Variants in CNTN4 observed in about 807,000 individuals in gnomAD.
CNTN4 encodes contactin 4, also known as contactin-4.
In CNTN4, 77 loss-of-function variants were observed where a neutral mutation model predicts 122.5. The observed-to-expected ratio is 0.63, with a 90% CI of 0.52 to 0.76. The LOEUF is 0.76. CNTN4 is among the 30% of genes least tolerant of loss of function. The probability of loss-of-function intolerance (pLI) is 0.00; values close to 1 mark genes in which losing one functional copy is unlikely to be tolerated. For synonymous variants in CNTN4, 512 were observed against 447.0 expected, an observed-to-expected ratio of 1.15 and a Z score of -1.83; for missense variants, 1,256 against 1,259.1, an observed-to-expected ratio of 1.00 and a Z score of 0.04.
intron 6 of CNTN4, among the ~76,000 whole-genome samples, chr3:2,794,271 T>G (rs1194154684): frequency 6.6e-6 from 1 of 152,188 alleles, no homozygotes; most frequent in East Asian, 1.9e-4. Flanking sequence ...GGCAGGAAGC[T>G]CTGCTGCAGC....
chr3:2,519,063 G>A (rs1173295368), intron 3 of CNTN4, among the ~76,000 whole-genome samples: 1 of 152,190 alleles, frequency 6.6e-6, no homozygotes, highest in East Asian at 1.9e-4. Flanking sequence ...TTGACTCCCT[G>A]TCTCTAGTGA....
At position 2,510,685 on chromosome 3, in the gene CNTN4, G is replaced by A. The variant is rs377251951; in HGVS notation, c.-88-60731G>A. Reference sequence around the variant, plus strand: ...CAGCAGGTAGCATGTCTGGGCAAAAGCGTGTGTGGCAAGGTTTTGATAAAG... The same window carrying A: ...CAGCAGGTAGCATGTCTGGGCAAAAACGTGTGTGGCAAGGTTTTGATAAAG... On this transcript the variant is annotated intron_variant, in intron 3 of 24. Coordinates refer to ENST00000418658, the MANE Select transcript of CNTN4 (RefSeq NM_175607.3). Among the ~76,000 whole-genome samples the A allele has an allele frequency of 1.8e-4, 28 of 152,208 alleles. No individual in the cohort carries two copies. In the East Asian group the frequency reaches 5.2e-3, roughly 28 times the overall value.
intron 4 of CNTN4, among the ~76,000 whole-genome samples, chr3:2,685,591 A>C (rs557883558): frequency 6.6e-6 from 1 of 152,322 alleles, no homozygotes; most frequent in South Asian, 2.1e-4. Flanking sequence ...TAAAAACCCA[A>C]GTAATCTTCA....
At chr3:2,146,287 A>G (rs2035245749) in intron 2 of CNTN4, among the ~76,000 whole-genome samples, 1 of 149,920 alleles carries the variant, frequency 6.7e-6, no homozygotes, top group Non-Finnish European at 1.5e-5. Flanking sequence ...TTTTTTTTTT[A>G]GCTACTACAA....
At chr3:2,445,178 T>G (rs1431632509) in intron 3 of CNTN4, among the ~76,000 whole-genome samples, 2 of 152,110 alleles carry the variant, frequency 1.3e-5, no homozygotes, top group Non-Finnish European at 2.9e-5. Flanking sequence ...ACATCAGCTC[T>G]CCTAAAATGA....
At chr3:2,786,679 A>G (rs2091845902) in intron 6 of CNTN4, among the ~76,000 whole-genome samples, 2 of 152,204 alleles carry the variant, frequency 1.3e-5, no homozygotes, top group Admixed American at 6.5e-5. Context: ...AGTCATTATC[A>G]TGTTCTGGAA....
At chr3:2,807,276 A>G (rs1244439786) in intron 6 of CNTN4, among the ~76,000 whole-genome samples, 1 of 152,236 alleles carries the variant, frequency 6.6e-6, no homozygotes, top group African/African-American at 2.4e-5. Flanking sequence ...TGTGAAAATG[A>G]GAACAGGGAA....
intron 3 of CNTN4, among the ~76,000 whole-genome samples, chr3:2,504,683 C>G (rs1445095888): frequency 6.6e-6 from 1 of 152,036 alleles, no homozygotes; most frequent in Non-Finnish European, 1.5e-5. Flanking sequence ...AAAATAATAC[C>G]TTTACATTTA....
intron 7 of CNTN4, among the ~76,000 whole-genome samples, chr3:2,840,513 A>G (rs1047756151): frequency 1.9e-4 from 23 of 123,270 alleles, no homozygotes; most frequent in Non-Finnish European, 3.3e-4. Context: ...ATCCTGGCTA[A>G]CACGGTGAAA....
intron 3 of CNTN4, among the ~76,000 whole-genome samples, chr3:2,548,087 T>C (rs762610695): frequency 6.6e-6 from 1 of 152,146 alleles, no homozygotes; most frequent in East Asian, 1.9e-4. Context: ...CTTTGTCAGA[T>C]GGATAGATTG....
chr3:2,581,626 GT>G (rs369372663), intron 4 of CNTN4, among the ~76,000 whole-genome samples: 108 of 152,076 alleles, frequency 7.1e-4, no homozygotes, highest in African/African-American at 2.1e-3. Flanking sequence ...GTGAAGACCA[GT>G]TTTTTTTCTC....
intron 2 of CNTN4, among the ~76,000 whole-genome samples, chr3:2,234,745 C>T (rs1044660835): frequency 5.3e-5 from 8 of 152,120 alleles, no homozygotes; most frequent in East Asian, 1.9e-4. Flanking sequence ...TGAGTGTGAT[C>T]GTCACAAAGA....
intron 3 of CNTN4, among the ~76,000 whole-genome samples, chr3:2,402,896 A>G (rs1051823298): frequency 6.6e-6 from 1 of 152,186 alleles, no homozygotes; most frequent in Non-Finnish European, 1.5e-5. Context: ...TTCCTTGTGT[A>G]TCTCATCTTT....
chr3:2,518,754 A>T (rs559963944), intron 3 of CNTN4, among the ~76,000 whole-genome samples: 12 of 152,294 alleles, frequency 7.9e-5, no homozygotes, highest in African/African-American at 2.9e-4. Context: ...CGATTCTTGA[A>T]TGTAGCAGAA....
chr3:2,178,804 T>C (rs1381745389), intron 2 of CNTN4, among the ~76,000 whole-genome samples: 2 of 152,124 alleles, frequency 1.3e-5, no homozygotes, highest in Non-Finnish European at 2.9e-5. Flanking sequence ...AAGATGCCTA[T>C]AAATACAGCC....
At chr3:2,303,921 C>T (rs779498453) in intron 2 of CNTN4, among the ~76,000 whole-genome samples, 5 of 152,096 alleles carry the variant, frequency 3.3e-5, no homozygotes, top group Non-Finnish European at 4.4e-5. Context: ...ACTGTGTAAA[C>T]GGTATATTTT....
At chr3:2,541,970 C>A (rs914887257) in intron 3 of CNTN4, among the ~76,000 whole-genome samples, 1 of 152,078 alleles carries the variant, frequency 6.6e-6, no homozygotes. Context: ...ATATTTTAAA[C>A]CAGCAATGGA....
At chr3:2,578,381 C>T (rs761146324) in intron 4 of CNTN4, among the ~76,000 whole-genome samples, 6 of 152,124 alleles carry the variant, frequency 3.9e-5, no homozygotes, top group Non-Finnish European at 8.8e-5. Flanking sequence ...TTCATTAAAG[C>T]TCATGACCAA....
rs142447023 is a variant in CNTN4 at position 2,301,428 on chromosome 3, C to T, written c.-144-37750C>T. 7.9e-4 allele frequency among the ~76,000 whole-genome samples: 121 copies of T among 152,210 alleles called. 2 individuals are homozygous for T. The East Asian group carries it at 0.018, about 23-fold the overall frequency. ...AATTGAATTAAGAAAGCTTGTAATA[C>T]GCTTTACTACTAGTTAAAAAAAATT... On this transcript the variant is annotated intron_variant, in intron 2 of 24. Transcript: ENST00000418658.
Sources: gnomAD v4.1 joint callset for allele counts (sites outside exome capture counted in the v4.1 genomes callset) on GRCh38, gnomAD v4.1.1 for gene constraint, MANE v1.5 for transcripts, NCBI Gene and HGNC (gene_info 2026-07-23, HGNC 2026-07-21) for gene names.